The following COL20A1 variants were observed in gnomAD, a reference collection of about 807,000 sequenced individuals.
The protein encoded by COL20A1 is collagen type XX alpha 1 chain.
In COL20A1, 164 loss-of-function variants were observed where a neutral mutation model predicts 152.9. The observed-to-expected ratio is 1.07, with a 90% CI of 0.94 to 1.22. COL20A1 has a LOEUF of 1.22. Ranked by LOEUF, COL20A1 falls within the 50% of genes most tolerant of loss-of-function variation. COL20A1 has a pLI of 0.00. For synonymous variants in COL20A1, 864 were observed against 756.0 expected, an observed-to-expected ratio of 1.14 and a Z score of -2.34; for missense variants, 1,873 against 1,744.8, an observed-to-expected ratio of 1.07 and a Z score of -1.31.
Position 63,307,659 on chromosome 20 carries a change from G to C in COL20A1, c.655+11G>C. 7 of 1,607,566 alleles carry C rather than the reference G, an allele frequency of 4.4e-6. No homozygotes were observed. Among genetic ancestry groups the C allele is most frequent in the Non-Finnish European group, 6.0e-6 (7 of 1,176,454 alleles). On this transcript the variant is annotated intron_variant, in intron 6 of 35. Transcript: ENST00000358894. ...ATAAGGTCCAAGTAGGTGGGTGCTGGCCCGGCCCGCCTCCTGCCCCACCCG... is the reference window on the plus strand; with the variant it reads ...ATAAGGTCCAAGTAGGTGGGTGCTGCCCCGGCCCGCCTCCTGCCCCACCCG...
Position 63,305,418 on chromosome 20 carries a change from G to A in COL20A1, c.195G>A (p.Gly65=). Residue 65 remains glycine (G), a splice_region_variant and synonymous_variant, in exon 4 of 36, where the codon GGG becomes GGA. Coordinates refer to ENST00000358894, the MANE Select transcript of COL20A1 (RefSeq NM_020882.4). This position sits in a 1 kb window ranked among gnomAD's most constrained non-coding sequence, Gnocchi z 4.9. The part of the protein sequence containing the change: ...GYLVQVKPMA[G]DSEQEVILTT... ...AAAGCTCTCCCCACCCCTACCCAGGGGACTCGGAACAGGAGGTGATACTGA... is the reference window on the plus strand; with the variant it reads ...AAAGCTCTCCCCACCCCTACCCAGGAGACTCGGAACAGGAGGTGATACTGA... 6.5e-7 allele frequency: 1 copy of A among 1,531,102 alleles called. No homozygotes were observed. The highest frequency in any genetic ancestry group is 2.4e-5 in the East Asian group (1 of 41,300). The allele number at this position is 1,531,102 out of a possible 1,614,324, so 94.8% of individuals were successfully genotyped here.
intron 25 of COL20A1, 64 bp from the exon 26 acceptor site, chr20:63,320,949 C>A: frequency 7.8e-7 from 1 of 1,289,680 alleles, no homozygotes; most frequent in Non-Finnish European, 1.1e-6. Flanking sequence ...CTAATCTCAG[C>A]TCTAGGGTCA....
chr20:63,311,893 T>C lies in COL20A1; in HGVS notation c.1664-23T>C. ...TGCCATGGAGGCCGCGTGCTGGCCT[T>C]GAGGCTCTGCTGTGCTTTGCAGCCA... On this transcript the variant is annotated intron_variant, in intron 13 of 35. Transcript: ENST00000358894. The surrounding 1 kb of genome is among the most constrained non-coding windows in gnomAD (Gnocchi z 4.4). 1 of 1,523,228 alleles carries C rather than the reference T, an allele frequency of 6.6e-7. No individual in the cohort carries two copies. The highest frequency in any genetic ancestry group is 2.0e-5 in the Admixed American group (1 of 49,624). 94.4% of individuals were successfully genotyped at this position (1,523,228 alleles called of 1,614,324 possible).
At chr20:63,321,515 A>C (rs1232009436) in intron 26 of COL20A1, among the ~76,000 whole-genome samples, 1 of 152,222 alleles carries the variant, frequency 6.6e-6, no homozygotes, top group Non-Finnish European at 1.5e-5. Context: ...TGCTGTGGCC[A>C]CAGGGTGTGA....
chr20:63,316,680 A>C lies in COL20A1; in HGVS notation c.2652A>C (p.Thr884=). Residue 884 remains threonine (T), a synonymous_variant, in exon 21 of 36, where the codon ACA becomes ACC. Transcript: ENST00000358894. ...CGCTCTTCAAGGACGCCCAGCTGAC[A>C]AGACGGGTCAGGTGTGAGGGCAAGG... ...TFTLFKDAQL[T]RRVSDVYPAP... 1 of 1,565,554 alleles carries C rather than the reference A, an allele frequency of 6.4e-7. No individual in the cohort carries two copies. The highest frequency in any genetic ancestry group is 2.4e-5 in the East Asian group (1 of 42,540).
At chr20:63,304,306 T>C (rs1206004212) in intron 3 of COL20A1, among the ~76,000 whole-genome samples, 34 of 106,844 alleles carry the variant, frequency 3.2e-4, no homozygotes, top group South Asian at 1.2e-3. Context: ...CCTCCAGGTG[T>C]GCAGGTGTGG....
Position 63,313,948 on chromosome 20 carries a change from A to G in COL20A1, c.2358+57A>G. On this transcript the variant is annotated intron_variant, in intron 18 of 35. Transcript: ENST00000358894. This position sits in a 1 kb window ranked among gnomAD's most constrained non-coding sequence, Gnocchi z 5.9. ...CCTCGTGGGGCCTCCTGGAAGGGGT[A>G]TGGCCACACTGTCTGCGAAGGGTGG... The G allele has an allele frequency of 1.3e-6, 2 of 1,588,626 alleles. No individual in the cohort carries two copies. Among genetic ancestry groups the G allele is most frequent in the Admixed American group, 1.7e-5 (1 of 58,384 alleles).
intron 3 of COL20A1, among the ~76,000 whole-genome samples, chr20:63,304,211 TC>T (rs1873111877): frequency 2.0e-5 from 2 of 100,242 alleles, no homozygotes; most frequent in East Asian, 3.5e-4. Context: ...CTCCCTCCCT[TC>T]CTCCCTCCAG....
intron 3 of COL20A1, among the ~76,000 whole-genome samples, chr20:63,298,865 T>C (rs945610724): frequency 6.6e-6 from 1 of 152,208 alleles, no homozygotes; most frequent in Non-Finnish European, 1.5e-5. Flanking sequence ...GAATCAGCAC[T>C]GTGGGGTGGC....
Position 63,319,937 on chromosome 20 carries a change from C to A in COL20A1, c.2917-102C>A. ...TGAGGTCAGGTTCCTGACCCCAGGTCCCAGGGATGGGTGTTACTCCCCAGC... is the reference window on the plus strand; with the variant it reads ...TGAGGTCAGGTTCCTGACCCCAGGTACCAGGGATGGGTGTTACTCCCCAGC... On this transcript the variant is annotated intron_variant, in intron 23 of 35. Transcript: ENST00000358894. This position sits in a 1 kb window ranked among gnomAD's most constrained non-coding sequence, Gnocchi z 4.4. The A allele has an allele frequency of 8.5e-7, 1 of 1,180,608 alleles. No individual in the cohort carries two copies. The highest frequency in any genetic ancestry group is 1.2e-6 in the Non-Finnish European group (1 of 854,812). 73.1% of individuals were successfully genotyped at this position (1,180,608 alleles called of 1,614,324 possible).
intron 20 of COL20A1, among the ~76,000 whole-genome samples, 194 bp downstream of exon 20, chr20:63,315,633 C>T (rs986748795): frequency 3.3e-5 from 5 of 152,200 alleles, no homozygotes; most frequent in African/African-American, 1.2e-4. Flanking sequence ...CTGAGGGAGC[C>T]GAAGGTTATG....
chr20:63,315,882 C>T (rs960575823), intron 20 of COL20A1, among the ~76,000 whole-genome samples: 3 of 152,220 alleles, frequency 2.0e-5, no homozygotes, highest in South Asian at 2.1e-4. Context: ...CGGCCTCTGC[C>T]GCCTCCTGCC....
intron 5 of COL20A1, 149 bp from the exon 6 acceptor site, chr20:63,307,341 G>C (rs939044114): frequency 5.8e-6 from 4 of 694,854 alleles, no homozygotes; most frequent in Non-Finnish European, 9.5e-6. Context: ...TGTCTAGTCC[G>C]GTGAGGCCTG....
At chr20:63,321,884 A>G (rs1041896332) in intron 26 of COL20A1, among the ~76,000 whole-genome samples, 174 bp from the exon 27 acceptor site, 1 of 149,984 alleles carries the variant, frequency 6.7e-6, no homozygotes, top group Non-Finnish European at 1.5e-5. Flanking sequence ...AGGATGGGCT[A>G]GTGCGTCCTT....
rs779538334 is a variant in COL20A1 at position 63,313,154 on chromosome 20, C to T, written c.2114C>T (p.Pro705Leu). Residue 705 changes from proline (P) to leucine (L), a missense_variant, in exon 17 of 36, where the codon CCT (proline) becomes CTT (leucine). Pro to Leu is a moderately conservative substitution (Grantham distance 98). Transcript: ENST00000358894. The surrounding 1 kb of genome is among the most constrained non-coding windows in gnomAD (Gnocchi z 5.9). ...VPGNLGTAVL[P>L]GLGRHTEYDV... Reference sequence around the variant, plus strand: ...GGGAACCTCGGCACGGCCGTCCTGCCTGGCCTAGGGAGGCACACAGAGTAC... The same window carrying T: ...GGGAACCTCGGCACGGCCGTCCTGCTTGGCCTAGGGAGGCACACAGAGTAC... 1 of 1,612,110 alleles carries T rather than the reference C, an allele frequency of 6.2e-7. No individual in the cohort carries two copies. The highest frequency in any genetic ancestry group is 8.5e-7 in the Non-Finnish European group (1 of 1,179,634).
chr20:63,312,670 G>C, intron 15 of COL20A1, 121 bp downstream of exon 15: 1 of 1,465,968 alleles, frequency 6.8e-7, no homozygotes, highest in Non-Finnish European at 9.2e-7. Flanking sequence ...GCCAGGTGGG[G>C]ATGGGCACCC....
chr20:63,316,571 C>G lies in COL20A1; in HGVS notation c.2543C>G (p.Ala848Gly). 2 of 1,590,922 alleles carry G rather than the reference C, an allele frequency of 1.3e-6. No individual in the cohort carries two copies. The highest frequency in any genetic ancestry group is 1.7e-6 in the Non-Finnish European group (2 of 1,168,954). The change falls in exon 21 of 36, where the codon GCC becomes GGC. Residue 848 changes from alanine to glycine, a missense_variant. Coordinates refer to ENST00000358894, the MANE Select transcript of COL20A1 (RefSeq NM_020882.4). Reference sequence around the variant, plus strand: ...TCCCCAGGGTTTGACCTGATGGTGGCCTTCAGCCTGGTGGAAAAGGCTTAT... The same window carrying G: ...TCCCCAGGGTTTGACCTGATGGTGGGCTTCAGCCTGGTGGAAAAGGCTTAT... The part of the protein sequence containing the change: ...GSLPGFDLMV[A>G]FSLVEKAYAS...
chr20:63,316,748 T>TGGGGGACA, intron 21 of COL20A1, 57 bp downstream of exon 21: 1 of 1,439,778 alleles, frequency 6.9e-7, no homozygotes, highest in East Asian at 2.6e-5. Flanking sequence ...CGCTGAAGAT[T>TGGGGGACA]AGGAGGACAT....
chr20:63,325,367 A>G (rs879298287), intron 27 of COL20A1, 74 bp from the exon 28 acceptor site: 3 of 1,119,000 alleles, frequency 2.7e-6, no homozygotes, highest in Non-Finnish European at 2.7e-6. Context: ...GGCCTGTGGT[A>G]GGTGTCACTC....
Sources: allele counts gnomAD v4.1 joint callset (sites outside exome capture counted in the v4.1 genomes callset), GRCh38; gene constraint gnomAD v4.1.1; non-coding constraint Gnocchi (gnomAD v3.1); transcripts MANE v1.5; gene names NCBI Gene and HGNC (gene_info 2026-07-23, HGNC 2026-07-21).